Variants in TTLL2 observed in about 807,000 individuals in gnomAD.
The protein encoded by TTLL2 is tubulin tyrosine ligase like 2.
TTLL2 carries 10 observed loss-of-function variants against 7.5 expected under a neutral mutation model. The ratio of observed to expected loss-of-function variants is 1.33; its 90% CI spans 0.82 to 2.25. TTLL2 has a LOEUF of 2.25. Among genes scored for constraint, TTLL2 ranks in the 30% most tolerant of loss-of-function variants. The probability of loss-of-function intolerance (pLI) is 0.00; values close to 1 mark genes in which losing one functional copy is unlikely to be tolerated. For missense variants in TTLL2, 733 were observed against 735.7 expected (o/e 1.00, Z 0.04); for synonymous variants, 284 against 280.3 (o/e 1.01, Z -0.13).
intron 1 of TTLL2, chr6:167,328,263 C>T (rs1384069832): frequency 5.3e-6 from 2 of 380,166 alleles, no homozygotes; most frequent in Non-Finnish European, 1.0e-5. Flanking sequence ...TGTTGTCCCT[C>T]AGTCTTCTGG....
At chr6:167,327,583 C>T (rs1778862071) in intron 1 of TTLL2, among the ~76,000 whole-genome samples, 1 of 152,174 alleles carries the variant, frequency 6.6e-6, no homozygotes, top group Non-Finnish European at 1.5e-5. Context: ...TGTGGAACAA[C>T]AGCTGTGTGT....
chr6:167,335,421 C>T (rs1160913206), intron 1 of TTLL2, among the ~76,000 whole-genome samples: 4 of 149,068 alleles, frequency 2.7e-5, no homozygotes, highest in Non-Finnish European at 4.4e-5. Flanking sequence ...GGCGATTCCT[C>T]AGGGATCTAG....
At chr6:167,327,571 C>T (rs956588959) in intron 1 of TTLL2, among the ~76,000 whole-genome samples, 9 of 152,154 alleles carry the variant, frequency 5.9e-5, no homozygotes, top group African/African-American at 1.2e-4. Context: ...TGTGCTAAGC[C>T]GTGTGGAACA....
rs199812982 is a variant in TTLL2, at chr6:167,340,442, C to A, written c.542C>A (p.Thr181Lys). The change falls in exon 3 of 3, where the codon ACG becomes AAG. Residue 181 changes from threonine (T) to lysine (K), a missense_variant. Transcript: ENST00000239587. ...TCCCTGTACCAGTTCATCCCCCTGA[C>A]GTTCGTCATGCCCAATGACTATACC... ...GTSLYQFIPL[T>K]FVMPNDYTKF... The A allele has an allele frequency of 6.2e-7, 1 of 1,614,176 alleles. No individual in the cohort carries two copies. The highest frequency in any genetic ancestry group is 8.5e-7 in the Non-Finnish European group (1 of 1,180,036).
chr6:167,329,952 A>G (rs939475297), intron 1 of TTLL2, among the ~76,000 whole-genome samples: 3 of 152,200 alleles, frequency 2.0e-5, no homozygotes, highest in Non-Finnish European at 2.9e-5. Flanking sequence ...ATAAATATAC[A>G]CCCAGATGTG....
At chr6:167,332,841 G>A (rs1331804586) in intron 1 of TTLL2, among the ~76,000 whole-genome samples, 1 of 126,226 alleles carries the variant, frequency 7.9e-6, no homozygotes, top group African/African-American at 3.2e-5. Context: ...GAGATTTTGG[G>A]CTGAGACAAT....
Position 167,341,336 on chromosome 6 carries a change from G to A in TTLL2, c.1436G>A (p.Arg479His), listed in dbSNP as rs138482235. The A allele has an allele frequency of 9.9e-5, 159 of 1,613,664 alleles. No homozygotes were observed. The highest frequency in any genetic ancestry group is 6.5e-4 in the Admixed American group (39 of 59,956). The change falls in exon 3 of 3, where the codon CGT becomes CAT. Residue 479 changes from arginine to histidine, a missense_variant. Arg to His is a conservative substitution (Grantham distance 29). Coordinates refer to ENST00000239587, the MANE Select transcript of TTLL2 (RefSeq NM_031949.5). ...DSVVEKAVSVRPEAAPASQLE... is the reference protein window; with the variant it reads ...DSVVEKAVSVHPEAAPASQLE... ...GTGGTGGAGAAAGCTGTGAGTGTGCGTCCTGAAGCTGCACCTGCCTCCCAG... is the reference window on the plus strand; with the variant it reads ...GTGGTGGAGAAAGCTGTGAGTGTGCATCCTGAAGCTGCACCTGCCTCCCAG...
chr6:167,325,832 C>A (rs1320048593), intron 1 of TTLL2, among the ~76,000 whole-genome samples: 2 of 152,104 alleles, frequency 1.3e-5, no homozygotes, highest in Non-Finnish European at 2.9e-5. Context: ...GAGAGGTGGG[C>A]TTCCATCAGC....
chr6:167,325,650 G>A (rs1778839274), intron 1 of TTLL2, among the ~76,000 whole-genome samples: 1 of 152,166 alleles, frequency 6.6e-6, no homozygotes, highest in Admixed American at 6.5e-5. Context: ...AGGGTTATGA[G>A]ACGGAACTGG....
chr6:167,332,355 C>A (rs958725857), intron 1 of TTLL2, among the ~76,000 whole-genome samples: 3 of 152,146 alleles, frequency 2.0e-5, no homozygotes, highest in Non-Finnish European at 4.4e-5. Flanking sequence ...TTTGTTTACC[C>A]TCCCGTTAGC....
At chr6:167,328,180 G>A (rs1344810946) in intron 1 of TTLL2, 1 of 454,224 alleles carries the variant, frequency 2.2e-6, no homozygotes, top group Non-Finnish European at 4.4e-6. Context: ...TTGGATGGAA[G>A]AAAGCACCAA....
intron 1 of TTLL2, among the ~76,000 whole-genome samples, chr6:167,329,136 C>A (rs893556427): frequency 1.3e-5 from 2 of 152,128 alleles, no homozygotes; most frequent in African/African-American, 2.4e-5. Context: ...AGGACCTGCT[C>A]GCAGAACCCC....
chr6:167,329,401 CTT>C (rs1326933388), intron 1 of TTLL2, among the ~76,000 whole-genome samples: 3 of 152,144 alleles, frequency 2.0e-5, no homozygotes, highest in Non-Finnish European at 2.9e-5. Context: ...TGTTGAATGA[CTT>C]CTTTTCAGAT....
intron 2 of TTLL2, among the ~76,000 whole-genome samples, chr6:167,339,616 G>A (rs1391581020): frequency 6.6e-6 from 1 of 152,162 alleles, no homozygotes; most frequent in East Asian, 1.9e-4. Flanking sequence ...CATGGTAGGT[G>A]CCTGGCCTTC....
In TTLL2 at chr6:167,330,234, C is replaced by T. The variant is rs760453411; in HGVS notation, c.47+5014C>T. Among the ~76,000 whole-genome samples the T allele has an allele frequency of 4.6e-5, 7 of 152,272 alleles. No homozygotes were observed. In the South Asian group the frequency reaches 1.5e-3, roughly 32 times the overall value. On this transcript the variant is annotated intron_variant, in intron 1 of 2. Coordinates refer to ENST00000239587, the MANE Select transcript of TTLL2 (RefSeq NM_031949.5). ...GAATTGTGTGTCTGTATTACTTGTA[C>T]TCAGTACAGTTTTTCAATGTTTGAA...
At chr6:167,325,762 C>T (rs938649694) in intron 1 of TTLL2, among the ~76,000 whole-genome samples, 4 of 151,940 alleles carry the variant, frequency 2.6e-5, no homozygotes, top group African/African-American at 4.8e-5. Flanking sequence ...AAAGAAAATC[C>T]CCCCAGTGTA....
chr6:167,340,071 A>G (rs1583113289), intron 2 of TTLL2, 34 bp from the exon 3 acceptor site: 1 of 1,536,954 alleles, frequency 6.5e-7, no homozygotes, highest in Non-Finnish European at 8.7e-7. Context: ...GGTCTTGACC[A>G]CTCTCCTAAC....
At chr6:167,328,813 C>A (rs988239410) in intron 1 of TTLL2, among the ~76,000 whole-genome samples, 7 of 152,126 alleles carry the variant, frequency 4.6e-5, no homozygotes. Flanking sequence ...GAGTTTACAT[C>A]CTCTGAGCTT....
Position 167,340,210 on chromosome 6 carries a change from C to T in TTLL2, c.310C>T (p.Leu104=). 6.2e-7 allele frequency: 1 copy of T among 1,614,090 alleles called. No individual in the cohort carries two copies. Among genetic ancestry groups the T allele is most frequent in the Non-Finnish European group, 8.5e-7 (1 of 1,180,010 alleles). Reference sequence around the variant, plus strand: ...CCCGGCTGTGGTGCAAAGCGTCCTCCTGGAGAGGGGGTGGAATAAGTTTGA... The same window carrying T: ...CCCGGCTGTGGTGCAAAGCGTCCTCTTGGAGAGGGGGTGGAATAAGTTTGA... The part of the protein sequence containing the change: ...TTPAVVQSVL[L]ERGWNKFDKQ... The change falls in exon 3 of 3, where the codon CTG becomes TTG. Residue 104 remains leucine, a synonymous_variant. Coordinates refer to ENST00000239587, the MANE Select transcript of TTLL2 (RefSeq NM_031949.5).
Sources: gnomAD v4.1 joint callset for allele counts (sites outside exome capture counted in the v4.1 genomes callset) on GRCh38, gnomAD v4.1.1 for gene constraint, MANE v1.5 for transcripts, NCBI Gene and HGNC (gene_info 2026-07-23, HGNC 2026-07-21) for gene names.